RPS6KC1: variants seen among roughly 807,000 people sequenced by gnomAD.
RPS6KC1 encodes the protein ribosomal protein S6 kinase C1, also known as inactive ribosomal protein S6 kinase delta-1.
A neutral mutation model predicts 103.8 loss-of-function variants in RPS6KC1; 54 were observed. That is an observed-to-expected ratio of 0.52 (90% CI 0.42 to 0.65). The LOEUF (loss-of-function observed/expected upper bound fraction) is 0.65, where lower values mean the gene tolerates loss of function less well. Ranked by LOEUF, RPS6KC1 falls within the 30% of genes least tolerant of loss-of-function variation. The pLI, the probability that RPS6KC1 is intolerant of heterozygous loss-of-function variation, is 0.00. For synonymous variants in RPS6KC1, 439 were observed against 438.7 expected (o/e 1.00, Z -0.01); for missense variants, 1,151 against 1,253.8 (o/e 0.92, Z 1.24).
the RPS6KC1 span, among the ~76,000 whole-genome samples, chr1:213,311,123 CT>C: frequency 8.6e-5 from 13 of 150,860 alleles, no homozygotes; most frequent in African/African-American, 3.2e-4. Context: ...GACTGGTTTT[CT>C]TTTTTTTAAT....
chr1:213,589,299 G>C, the RPS6KC1 span, among the ~76,000 whole-genome samples: 21 of 152,170 alleles, frequency 1.4e-4, no homozygotes, highest in African/African-American at 5.1e-4. Flanking sequence ...AGGTTGGTCA[G>C]TCAAGGACTC....
chr1:213,569,016 C>T, the RPS6KC1 span, among the ~76,000 whole-genome samples: 169 of 152,310 alleles, frequency 1.1e-3, no homozygotes, highest in Non-Finnish European at 2.0e-3. Flanking sequence ...AGAGTGCCCT[C>T]GACCAGCACC....
At chr1:213,823,756 C>CACACACACACACCAT in the RPS6KC1 span, among the ~76,000 whole-genome samples, 1 of 103,806 alleles carries the variant, frequency 9.6e-6, no homozygotes, top group Non-Finnish European at 1.8e-5. Flanking sequence ...ACACACACCA[C>CACACACACACACCAT]ACCACATCAA....
intron 8 of RPS6KC1, among the ~76,000 whole-genome samples, chr1:213,187,771 T>C (rs933652066): frequency 6.6e-6 from 1 of 152,122 alleles, no homozygotes; most frequent in African/African-American, 2.4e-5. Flanking sequence ...TGTCTTTGCA[T>C]TGAAGGATAG....
chr1:213,598,468 C>T, the RPS6KC1 span, among the ~76,000 whole-genome samples: 1 of 152,054 alleles, frequency 6.6e-6, no homozygotes, highest in South Asian at 2.1e-4. Flanking sequence ...CTCTTTGGGG[C>T]CTCAGTTTTC....
At chr1:213,587,054 A>G in the RPS6KC1 span, among the ~76,000 whole-genome samples, 17 of 152,340 alleles carry the variant, frequency 1.1e-4, no homozygotes, top group Admixed American at 3.3e-4. Context: ...AACCTTCAGC[A>G]ATAACTCATC....
chr1:213,687,397 A>T, the RPS6KC1 span, among the ~76,000 whole-genome samples: 9 of 152,048 alleles, frequency 5.9e-5, no homozygotes. Context: ...CTTCCCGTCT[A>T]GTATACCTGT....
chr1:213,630,096 C>T, the RPS6KC1 span, among the ~76,000 whole-genome samples: 2 of 152,076 alleles, frequency 1.3e-5, no homozygotes, highest in East Asian at 1.9e-4. Context: ...ATCTTTGTGG[C>T]ATTCTCTTTA....
At chr1:213,823,826 T>C in the RPS6KC1 span, among the ~76,000 whole-genome samples, 3 of 151,972 alleles carry the variant, frequency 2.0e-5, no homozygotes, top group Admixed American at 6.6e-5. Context: ...AACCAAGCAC[T>C]GTTCTAAACT....
the RPS6KC1 span, among the ~76,000 whole-genome samples, chr1:213,295,308 G>T: frequency 6.6e-6 from 1 of 152,182 alleles, no homozygotes; most frequent in Non-Finnish European, 1.5e-5. Flanking sequence ...ACAGGAAGTA[G>T]ATAAGGCAAC....
chr1:213,378,293 T>G, the RPS6KC1 span, among the ~76,000 whole-genome samples: 6 of 152,260 alleles, frequency 3.9e-5, no homozygotes, highest in African/African-American at 1.4e-4. Context: ...CTTTTTGTTC[T>G]GTTTCCCCAT....
chr1:213,570,571 T>C, the RPS6KC1 span, among the ~76,000 whole-genome samples: 1 of 152,180 alleles, frequency 6.6e-6, no homozygotes, highest in Admixed American at 6.5e-5. Context: ...TACGAAACAC[T>C]TCATTCTTTG....
rs1269987456 is a variant in RPS6KC1, at chr1:213,146,423, AT to A, written c.835+16551del. 2.1e-3 allele frequency among the ~76,000 whole-genome samples: 295 copies of A among 138,824 alleles called. 1 individual carries two copies. The highest frequency in any genetic ancestry group is 0.011 in the South Asian group (46 of 4,342). 91.1% of individuals were successfully genotyped at this position (138,824 alleles called of 152,430 possible). A position where few individuals can be genotyped will look rare whatever the true frequency, so the allele number is the denominator to read the frequency against. ...GTGTATGCGTAGCAGTGGGATTGCA[AT>A]TTTTTTTTTTTTTTTTGAGACAGAG... On this transcript the variant is annotated intron_variant, in intron 6 of 14. Transcript: ENST00000366960.
the RPS6KC1 span, among the ~76,000 whole-genome samples, chr1:213,299,532 A>G: frequency 2.9e-5 from 4 of 139,642 alleles, no homozygotes; most frequent in Non-Finnish European, 6.2e-5. Context: ...AGCCTGGGCA[A>G]CAGAGCGAGA....
the RPS6KC1 span, among the ~76,000 whole-genome samples, chr1:213,637,258 C>T: frequency 1.3e-5 from 2 of 151,978 alleles, no homozygotes; most frequent in African/African-American, 2.4e-5. Context: ...AATCCCATTA[C>T]TGGGTGTATA....
chr1:213,680,990 T>C, the RPS6KC1 span, among the ~76,000 whole-genome samples: 5 of 152,224 alleles, frequency 3.3e-5, no homozygotes, highest in Non-Finnish European at 7.3e-5. Flanking sequence ...GGTGAGGCCC[T>C]TTTTGTCAGT....
chr1:213,455,022 G>C, the RPS6KC1 span, among the ~76,000 whole-genome samples: 36 of 152,278 alleles, frequency 2.4e-4, no homozygotes, highest in Non-Finnish European at 4.3e-4. Context: ...TCCAGGCCAC[G>C]AGGACCTAGT....
chr1:213,849,726 GT>G, the RPS6KC1 span, among the ~76,000 whole-genome samples: 1 of 152,084 alleles, frequency 6.6e-6, no homozygotes, highest in Non-Finnish European at 1.5e-5. Context: ...ACTGCACTAT[GT>G]TTTACTTTTC....
At chr1:213,257,670 T>A (rs1369415102) in intron 12 of RPS6KC1, among the ~76,000 whole-genome samples, 1 of 152,074 alleles carries the variant, frequency 6.6e-6, no homozygotes, top group Non-Finnish European at 1.5e-5. Context: ...ATTATTGCAA[T>A]GTGTACCTAC....
Sources: gnomAD v4.1 joint callset for allele counts (sites outside exome capture counted in the v4.1 genomes callset) on GRCh38, gnomAD v4.1.1 for gene constraint, MANE v1.5 for transcripts, NCBI Gene and HGNC (gene_info 2026-07-23, HGNC 2026-07-21) for gene names.